DOT1L: variants seen among roughly 807,000 people sequenced by gnomAD.
The protein encoded by DOT1L is DOT1 like histone lysine methyltransferase, also known as histone-lysine N-methyltransferase, H3 lysine-79 specific.
DOT1L carries 33 observed loss-of-function variants against 153.3 expected under a neutral mutation model. The ratio of observed to expected loss-of-function variants is 0.22; its 90% CI spans 0.16 to 0.29. The LOEUF (loss-of-function observed/expected upper bound fraction) is 0.29, where lower values mean the gene tolerates loss of function less well. Among genes scored for constraint, DOT1L ranks in the 10% least tolerant of loss-of-function variants. The probability of loss-of-function intolerance (pLI) is 1.00; values close to 1 mark genes in which losing one functional copy is unlikely to be tolerated. For synonymous variants in DOT1L, 1,135 were observed against 965.1 expected (o/e 1.18, Z -3.26); for missense variants, 1,847 against 2,119.9 (o/e 0.87, Z 2.53).
chr19:2,172,027 C>A (rs1599530462), intron 1 of DOT1L, among the ~76,000 whole-genome samples: 4 of 152,270 alleles, frequency 2.6e-5, no homozygotes, highest in Admixed American at 2.6e-4. Context: ...TAGTGATAAC[C>A]TTGTAGGTAA....
chr19:2,174,320 G>C (rs1419982820), intron 1 of DOT1L, among the ~76,000 whole-genome samples: 1 of 152,226 alleles, frequency 6.6e-6, no homozygotes, highest in African/African-American at 2.4e-5. Flanking sequence ...TCCAGGCCCA[G>C]CTCTGCTGTG....
At chr19:2,221,792 C>G in intron 23 of DOT1L, 184 bp from the exon 24 acceptor site, 1 of 642,860 alleles carries the variant, frequency 1.6e-6, no homozygotes, top group Non-Finnish European at 2.6e-6. Flanking sequence ...AGCCCTGAGC[C>G]TTGAGCTTGC....
chr19:2,227,225 G>C, intron 27 of DOT1L, 98 bp downstream of exon 27: 1 of 1,461,062 alleles, frequency 6.8e-7, no homozygotes, highest in Non-Finnish European at 9.5e-7. Context: ...AGCAGGAGCT[G>C]AGCTGCAGGT....
intron 19 of DOT1L, 30 bp downstream of exon 19, chr19:2,214,626 G>T (rs371603294): frequency 7.2e-5 from 115 of 1,603,560 alleles, no homozygotes; most frequent in Middle Eastern, 6.7e-4. Flanking sequence ...GCACTCCGTG[G>T]TGTCCGAGCC....
intron 25 of DOT1L, 104 bp downstream of exon 25, chr19:2,223,590 C>T (rs1263229489): frequency 1.7e-6 from 2 of 1,150,016 alleles, no homozygotes; most frequent in Non-Finnish European, 2.4e-6. Flanking sequence ...CCGGCAGGCT[C>T]TTAGGGGGTG....
rs1217501921 is a variant in DOT1L, at chr19:2,191,904, C to T, written c.493+664C>T. On this transcript the variant is annotated intron_variant, in intron 5 of 27. Transcript: ENST00000398665. The surrounding 1 kb of genome is among the most constrained non-coding windows in gnomAD (Gnocchi z 6.8). Reference sequence around the variant, plus strand: ...CCTTGAAACGAGGCCCTAGGTGTGTCTTCAGCAGCAGCGTGGCCTGGCTGA... The same window carrying T: ...CCTTGAAACGAGGCCCTAGGTGTGTTTTCAGCAGCAGCGTGGCCTGGCTGA... Among the ~76,000 whole-genome samples, 1 of 152,216 alleles carries T rather than the reference C, an allele frequency of 6.6e-6. No individual in the cohort carries two copies. Among genetic ancestry groups the T allele is most frequent in the African/African-American group, 2.4e-5 (1 of 41,456 alleles).
chr19:2,211,332 A>G, intron 15 of DOT1L, 120 bp downstream of exon 15: 2 of 900,808 alleles, frequency 2.2e-6, no homozygotes, highest in East Asian at 2.7e-5. Flanking sequence ...ACCCCACTGA[A>G]GTTTACCCAG....
At chr19:2,218,560 A>AT (rs1455293568) in intron 22 of DOT1L, among the ~76,000 whole-genome samples, 3 of 149,930 alleles carry the variant, frequency 2.0e-5, no homozygotes, top group Admixed American at 1.3e-4. Flanking sequence ...CGCCTGGCTA[A>AT]TTTTTTGTAT....
intron 27 of DOT1L, chr19:2,227,924 G>GCCTCCC (rs953937513): frequency 2.0e-5 from 21 of 1,029,792 alleles, no homozygotes; most frequent in Non-Finnish European, 2.3e-5. Flanking sequence ...CTCCGCCTCC[G>GCCTCCC]CCTCCCCCGC....
chr19:2,228,721 C>T, intron 27 of DOT1L: 2 of 985,418 alleles, frequency 2.0e-6, no homozygotes, highest in Non-Finnish European at 2.4e-6. Flanking sequence ...GCTCCTAGAG[C>T]AGTCTCCAGG....
At position 2,228,647 on chromosome 19, in the gene DOT1L, G is replaced by A. The variant is rs923741509; in HGVS notation, c.4607-1138G>A. Reference sequence around the variant, plus strand: ...CGCAGGACTGAGGCCAGCCCTGGGGGCAGCTGTGCCAGCCCCTGTGGGCGA... The same window carrying A: ...CGCAGGACTGAGGCCAGCCCTGGGGACAGCTGTGCCAGCCCCTGTGGGCGA... On this transcript the variant is annotated intron_variant, in intron 27 of 27. Coordinates refer to ENST00000398665, the MANE Select transcript of DOT1L (RefSeq NM_032482.3). The A allele has an allele frequency of 2.7e-5, 27 of 985,292 alleles. No homozygotes were observed. The African/African-American group carries it at 2.8e-4, about 10-fold the overall frequency. 61.0% of individuals were successfully genotyped at this position (985,292 alleles called of 1,614,324 possible). A position where few individuals can be genotyped will look rare whatever the true frequency, so the allele number is the denominator to read the frequency against.
Position 2,214,603 on chromosome 19 carries a change from T to C in DOT1L, c.1923+7T>C. ...GCACTGCCTGGAGCTGCAGGTGGGC[T>C]GCGCGCGAGGCTGCACTCCGTGGTG... On this transcript the variant is annotated splice_region_variant and intron_variant, in intron 19 of 27. Transcript: ENST00000398665. The C allele has an allele frequency of 1.2e-6, 2 of 1,611,660 alleles. No homozygotes were observed. The highest frequency in any genetic ancestry group is 1.7e-6 in the Non-Finnish European group (2 of 1,179,322).
chr19:2,216,898 G>A (rs1013259126), intron 20 of DOT1L, 57 bp from the exon 21 acceptor site: 15 of 1,572,336 alleles, frequency 9.5e-6, no homozygotes, highest in African/African-American at 6.7e-5. Context: ...GGGCCAGGCC[G>A]CTGCCTCTGA....
intron 25 of DOT1L, among the ~76,000 whole-genome samples, chr19:2,224,016 C>T (rs2024229521): frequency 6.6e-6 from 1 of 152,162 alleles, no homozygotes; most frequent in Non-Finnish European, 1.5e-5. Flanking sequence ...CCCCATCCTA[C>T]TTTCTGTCTC....
chr19:2,186,356 A>T (rs1439396415), intron 3 of DOT1L, among the ~76,000 whole-genome samples: 1 of 150,848 alleles, frequency 6.6e-6, no homozygotes, highest in South Asian at 2.1e-4. Context: ...TGCGTTAGCA[A>T]TTTCGCCCTG....
Position 2,191,933 on chromosome 19 carries a change from A to C in DOT1L, c.493+693A>C, listed in dbSNP as rs965271028. On this transcript the variant is annotated intron_variant, in intron 5 of 27. Coordinates refer to ENST00000398665, the MANE Select transcript of DOT1L (RefSeq NM_032482.3). The surrounding 1 kb of genome is among the most constrained non-coding windows in gnomAD (Gnocchi z 6.8). ...AGCAGCAGCGTGGCCTGGCTGAAGCACAGATGAGCGGCCCGTACACGAACA... is the reference window on the plus strand; with the variant it reads ...AGCAGCAGCGTGGCCTGGCTGAAGCCCAGATGAGCGGCCCGTACACGAACA... Among the ~76,000 whole-genome samples, 4 of 152,206 alleles carry C rather than the reference A, an allele frequency of 2.6e-5. No homozygotes were observed. The highest frequency in any genetic ancestry group is 7.2e-5 in the African/African-American group (3 of 41,458).
intron 25 of DOT1L, 70 bp downstream of exon 25, chr19:2,223,556 G>T (rs1321660225): frequency 9.5e-6 from 3 of 316,618 alleles, no homozygotes; most frequent in African/African-American, 2.4e-5. Context: ...CACTGTGTGT[G>T]TGTGGGTGGG....
Position 2,226,903 on chromosome 19 carries a change from A to C in DOT1L, c.4382A>C (p.His1461Pro), listed in dbSNP as rs1191316755. 1 of 1,578,942 alleles carries C rather than the reference A, an allele frequency of 6.3e-7. No individual in the cohort carries two copies. The highest frequency in any genetic ancestry group is 8.5e-7 in the Non-Finnish European group (1 of 1,171,314). The change falls in exon 27 of 28, where the codon CAC becomes CCC. Residue 1461 changes from histidine to proline, a missense_variant. Physicochemically the swap from His to Pro is moderately conservative, Grantham distance 77. Around this residue, in one of 8 missense-constraint regions of DOT1L, gnomAD observed 934 missense variants for 825.3 expected, o/e 1.13. Transcript: ENST00000398665. ...AGGAASSAQT[H>P]RSFLGPFPPG... is the part of the protein sequence containing the mutation. ...GGCGCGGCGTCCTCCGCCCAGACGC[A>C]CCGGTCCTTCCTGGGCCCCTTCCCG...
At chr19:2,178,358 G>T in intron 1 of DOT1L, among the ~76,000 whole-genome samples, 2 of 129,812 alleles carry the variant, frequency 1.5e-5, no homozygotes, top group African/African-American at 3.0e-5. Flanking sequence ...GTGAAACCTT[G>T]TCTCTACCAG....
Sources: allele counts gnomAD v4.1 joint callset (sites outside exome capture counted in the v4.1 genomes callset), GRCh38; gene constraint gnomAD v4.1.1; regional missense constraint gnomAD v4.1.1; non-coding constraint Gnocchi (gnomAD v3.1); transcripts MANE v1.5; gene names NCBI Gene and HGNC (gene_info 2026-07-23, HGNC 2026-07-21).